H6PD: variants seen among roughly 807,000 people sequenced by gnomAD.
The protein encoded by H6PD is GDH/6PGL endoplasmic bifunctional protein.
H6PD carries 48 observed loss-of-function variants against 61.2 expected under a neutral mutation model. The observed-to-expected ratio is 0.78, with a 90% CI of 0.62 to 1.00. The LOEUF (loss-of-function observed/expected upper bound fraction) is 1.00. H6PD is among the 50% of genes least tolerant of loss of function. The pLI is 0.00. For synonymous variants in H6PD, 480 were observed against 457.9 expected, an observed-to-expected ratio of 1.05 and a Z score of -0.62; for missense variants, 1,093 against 1,065.0, an observed-to-expected ratio of 1.03 and a Z score of -0.37.
At chr1:9,251,588 T>C (rs923171565) in intron 3 of H6PD, among the ~76,000 whole-genome samples, 1 of 152,158 alleles carries the variant, frequency 6.6e-6, no homozygotes, top group Non-Finnish European at 1.5e-5. Context: ...GACCGTTCAG[T>C]GCCTCTCACC....
chr1:9,253,001 A>C (rs1488595919), intron 3 of H6PD, among the ~76,000 whole-genome samples: 1 of 152,202 alleles, frequency 6.6e-6, no homozygotes, highest in African/African-American at 2.4e-5. Context: ...GAGCCAATAT[A>C]GATCATTTTT....
chr1:9,258,734 C>T (rs895557813), intron 3 of H6PD, among the ~76,000 whole-genome samples: 1 of 151,782 alleles, frequency 6.6e-6, no homozygotes, highest in Non-Finnish European at 1.5e-5. Flanking sequence ...TGTTATGTTG[C>T]TGCTGTTACA....
rs139565901 is a variant in H6PD, at chr1:9,263,895, G to A, written c.1402G>A (p.Gly468Ser). 4.1e-5 allele frequency: 66 copies of A among 1,614,152 alleles called. No homozygotes were observed. In the African/African-American group the frequency reaches 7.9e-4, roughly 19 times the overall value. ...CGTCCTCTTATCCCATATCTTCCAT[G>A]GCCGGAAGAATTTCTTCATCACCAC... ...HSVLLSHIFH[G>S]RKNFFITTEN... Residue 468 changes from glycine to serine, a missense_variant, in exon 5 of 5, where the codon GGC becomes AGC. Coordinates refer to ENST00000377403, the MANE Select transcript of H6PD (RefSeq NM_004285.4).
chr1:9,252,280 G>A (rs1328607388), intron 3 of H6PD, among the ~76,000 whole-genome samples: 1 of 152,012 alleles, frequency 6.6e-6, no homozygotes, highest in Non-Finnish European at 1.5e-5. Flanking sequence ...AAATCTCTAT[G>A]TATTAGCAGT....
At position 9,245,631 on chromosome 1, in the gene H6PD, G is replaced by A. The variant is rs369633008; in HGVS notation, c.627+70G>A. 53 of 1,471,436 alleles carry A rather than the reference G, an allele frequency of 3.6e-5. No homozygotes were observed. The highest frequency in any genetic ancestry group is 3.5e-4 in the Middle Eastern group (2 of 5,766). 91.1% of individuals were successfully genotyped at this position (1,471,436 alleles called of 1,614,324 possible). A position where few individuals can be genotyped will look rare whatever the true frequency, so the allele number is the denominator to read the frequency against. On this transcript the variant is annotated intron_variant, in intron 2 of 4. Coordinates refer to ENST00000377403, the MANE Select transcript of H6PD (RefSeq NM_004285.4). This position sits in a 1 kb window ranked among gnomAD's most constrained non-coding sequence, Gnocchi z 4.8. Reference sequence around the variant, plus strand: ...GCTGGTAGACCCCAGCAACAAAGCCGCTCGCTCATTGTGGAGCTAGGCCCC... The same window carrying A: ...GCTGGTAGACCCCAGCAACAAAGCCACTCGCTCATTGTGGAGCTAGGCCCC...
Position 9,263,903 on chromosome 1 carries a change from G to A in H6PD, c.1410G>A (p.Lys470=), listed in dbSNP as rs1341898468. The change falls in exon 5 of 5, where the codon AAG becomes AAA. Residue 470 remains lysine (K), a synonymous_variant. Coordinates refer to ENST00000377403, the MANE Select transcript of H6PD (RefSeq NM_004285.4). ...TATCCCATATCTTCCATGGCCGGAA[G>A]AATTTCTTCATCACCACAGAGAACT... ...VLLSHIFHGR[K]NFFITTENLL... is the part of the protein sequence containing the mutation. 6.2e-7 allele frequency: 1 copy of A among 1,614,174 alleles called. No homozygotes were observed. Among genetic ancestry groups the A allele is most frequent in the South Asian group, 1.1e-5 (1 of 91,090 alleles).
chr1:9,243,910 A>G (rs1048697341), intron 1 of H6PD, among the ~76,000 whole-genome samples: 3 of 152,124 alleles, frequency 2.0e-5, no homozygotes, highest in African/African-American at 7.2e-5. Flanking sequence ...GTCAAGAGGC[A>G]GATTTGGTCC....
chr1:9,261,739 G>T (rs559252707), intron 3 of H6PD, among the ~76,000 whole-genome samples: 1 of 152,394 alleles, frequency 6.6e-6, no homozygotes, highest in East Asian at 1.9e-4. Flanking sequence ...GCAGGGCGGG[G>T]CGAGGGGCTG....
intron 3 of H6PD, among the ~76,000 whole-genome samples, chr1:9,249,754 A>G (rs1027004795): frequency 6.6e-6 from 1 of 152,172 alleles, no homozygotes; most frequent in Non-Finnish European, 1.5e-5. Flanking sequence ...GGCCAGCAGG[A>G]CTGCAACTGT....
At chr1:9,260,535 C>T (rs1641691417) in intron 3 of H6PD, among the ~76,000 whole-genome samples, 1 of 152,002 alleles carries the variant, frequency 6.6e-6, no homozygotes, top group South Asian at 2.1e-4. Flanking sequence ...TGTTACGTTG[C>T]TGCTGTTATG....
In H6PD at chr1:9,270,901, C is replaced by G. The variant is rs1354295984; in HGVS notation, c.*6032C>G. On this transcript the variant is annotated 3_prime_UTR_variant, in exon 5 of 5. Transcript: ENST00000377403. ...CTGGTTTTTGTGGAAACAATGGAAA[C>G]TTACAGATGCCTGCCTGGGATGATG... 1.3e-5 allele frequency: 2 copies of G among 151,822 alleles called. No homozygotes were observed. The highest frequency in any genetic ancestry group is 4.8e-5 in the African/African-American group (2 of 41,248). The allele number at this position is 151,822 out of a possible 1,614,324, so 9.4% of individuals were successfully genotyped here. A position where few individuals can be genotyped will look rare whatever the true frequency, so the allele number is the denominator to read the frequency against.
At chr1:9,246,379 C>G (rs1009999270) in intron 2 of H6PD, among the ~76,000 whole-genome samples, 4 of 152,226 alleles carry the variant, frequency 2.6e-5, no homozygotes, top group African/African-American at 9.6e-5. Flanking sequence ...CTGGGTGACA[C>G]ATGTCCGTTG....
At position 9,235,015 on chromosome 1, in the gene H6PD, G is replaced by T. The variant is rs1426454207; in HGVS notation, c.-62G>T. ...CTCGGGAGCGGGCCCGGCCCTCAGC[G>T]CCGCCCCGGCCGTGTCCCGGAGGAG... On this transcript the variant is annotated 5_prime_UTR_variant, in exon 1 of 5. Transcript: ENST00000377403. 9.5e-5 allele frequency: 14 copies of T among 147,818 alleles called. No homozygotes were observed. Among genetic ancestry groups the T allele is most frequent in the Admixed American group, 9.4e-4 (14 of 14,890 alleles). 9.2% of individuals were successfully genotyped at this position (147,818 alleles called of 1,614,324 possible).
intron 3 of H6PD, among the ~76,000 whole-genome samples, chr1:9,257,969 G>C (rs1186073548): frequency 1.3e-5 from 2 of 152,258 alleles, no homozygotes; most frequent in African/African-American, 4.8e-5. Context: ...TGCTCACCGG[G>C]GTTCAGCCTC....
In H6PD at chr1:9,268,872, G is replaced by A. The variant is rs1259952174; in HGVS notation, c.*4003G>A. ...CCCAGGTGGAACTCACGACAGGGAG[G>A]GAGACGCTTCCCAAAAACCTGCAGG... On this transcript the variant is annotated 3_prime_UTR_variant, in exon 5 of 5. Coordinates refer to ENST00000377403, the MANE Select transcript of H6PD (RefSeq NM_004285.4). 1 of 152,166 alleles carries A rather than the reference G, an allele frequency of 6.6e-6. No homozygotes were observed. The highest frequency in any genetic ancestry group is 2.4e-5 in the African/African-American group (1 of 41,430). 9.4% of individuals were successfully genotyped at this position (152,166 alleles called of 1,614,324 possible).
chr1:9,242,732 T>C (rs1570082375), intron 1 of H6PD: 2 of 985,464 alleles, frequency 2.0e-6, no homozygotes, highest in East Asian at 2.3e-4. Flanking sequence ...ACCAGGCACG[T>C]CCAGAGCCCT....
At chr1:9,252,031 G>A (rs751967893) in intron 3 of H6PD, among the ~76,000 whole-genome samples, 5 of 151,944 alleles carry the variant, frequency 3.3e-5, no homozygotes, top group Admixed American at 6.6e-5. Flanking sequence ...TCTCTCTCTC[G>A]GGTAGTTCTA....
chr1:9,256,768 C>T (rs894788995), intron 3 of H6PD, among the ~76,000 whole-genome samples: 54 of 152,310 alleles, frequency 3.5e-4, no homozygotes, highest in African/African-American at 1.3e-3. Context: ...ACCTACCACC[C>T]GTTTTTAAAA....
rs967749630 is a variant in H6PD, at chr1:9,262,210, G to A, written c.897G>A (p.Ala299=). Residue 299 remains alanine (A), a synonymous_variant, in exon 4 of 5, where the codon GCG becomes GCA. Coordinates refer to ENST00000377403, the MANE Select transcript of H6PD (RefSeq NM_004285.4). ...VLRHKLQVFQ[A]LRGLQRGSAV... ...GGCACAAGCTTCAGGTCTTCCAGGC[G>A]CTGCGGGGCCTGCAGAGGGGCAGTG... The A allele has an allele frequency of 7.4e-6, 12 of 1,613,940 alleles. No individual in the cohort carries two copies. Among genetic ancestry groups the A allele is most frequent in the African/African-American group, 2.7e-5 (2 of 74,942 alleles).
Sources: allele counts gnomAD v4.1 joint callset (sites outside exome capture counted in the v4.1 genomes callset), GRCh38; gene constraint gnomAD v4.1.1; non-coding constraint Gnocchi (gnomAD v3.1); transcripts MANE v1.5; gene names NCBI Gene and HGNC (gene_info 2026-07-23, HGNC 2026-07-21).